Variants in ABCA9 observed in about 807,000 individuals in gnomAD.
ABCA9 encodes the protein ATP-binding cassette sub-family A member 9.
Under a neutral mutation model 205.3 loss-of-function variants are expected in ABCA9, and 183 were observed. That is an observed-to-expected ratio of 0.89 (90% CI 0.79 to 1.01). The LOEUF is 1.01. Among genes scored for constraint, ABCA9 ranks in the 50% least tolerant of loss-of-function variants. The probability of loss-of-function intolerance (pLI) is 0.00; values close to 1 mark genes in which losing one functional copy is unlikely to be tolerated. For synonymous variants in ABCA9, 651 were observed against 683.3 expected, an observed-to-expected ratio of 0.95 and a Z score of 0.74; for missense variants, 1,805 against 1,912.4, an observed-to-expected ratio of 0.94 and a Z score of 1.05.
chr17:69,022,650 G>A (rs2070857398), intron 17 of ABCA9, among the ~76,000 whole-genome samples: 1 of 152,040 alleles, frequency 6.6e-6, no homozygotes, highest in African/African-American at 2.4e-5. Context: ...TTACAGGCAT[G>A]GGCCACCGCG....
At chr17:69,050,896 T>G in intron 2 of ABCA9, 135 bp downstream of exon 2, 1 of 683,128 alleles carries the variant, frequency 1.5e-6, no homozygotes, top group South Asian at 5.3e-5. Context: ...AGCCCAGAAT[T>G]TGAAAAAAAA....
chr17:69,044,919 G>A (rs10512523), intron 4 of ABCA9, among the ~76,000 whole-genome samples: 43,161 of 143,336 alleles, frequency 0.3, 6,614 homozygotes, highest in East Asian at 0.65. Flanking sequence ...GGGAATCAAT[G>A]AGCAAGATCA....
intron 2 of ABCA9, among the ~76,000 whole-genome samples, 188 bp from the exon 3 acceptor site, chr17:69,049,678 C>T (rs1323447082): frequency 6.6e-6 from 1 of 152,110 alleles, no homozygotes; most frequent in Admixed American, 6.6e-5. Context: ...TGCACATTGT[C>T]TACCAAGACA....
intron 14 of ABCA9, 25 bp downstream of exon 14, chr17:69,027,305 C>G: frequency 6.2e-7 from 1 of 1,609,096 alleles, no homozygotes; most frequent in Non-Finnish European, 8.5e-7. Flanking sequence ...AATCTGATTT[C>G]ACCAGTAATT....
chr17:69,053,519 A>T (rs889551981), intron 1 of ABCA9, among the ~76,000 whole-genome samples: 1 of 152,210 alleles, frequency 6.6e-6, no homozygotes, highest in African/African-American at 2.4e-5. Flanking sequence ...CTAAGAGAGA[A>T]CCAAAAATAA....
chr17:69,025,086 C>CAAAT (rs1377589331), intron 16 of ABCA9, among the ~76,000 whole-genome samples: 2 of 151,928 alleles, frequency 1.3e-5, no homozygotes, highest in Admixed American at 1.3e-4. Flanking sequence ...TCAAGAATAC[C>CAAAT]AAATAGGAAG....
chr17:69,015,130 A>G (rs1419022668), intron 22 of ABCA9, among the ~76,000 whole-genome samples: 1 of 151,780 alleles, frequency 6.6e-6, no homozygotes, highest in Non-Finnish European at 1.5e-5. Context: ...GGATTGTCTG[A>G]GAGCTAGGAC....
intron 16 of ABCA9, 121 bp from the exon 17 acceptor site, chr17:69,024,474 T>G (rs2144316971): frequency 1.0e-6 from 1 of 954,746 alleles, no homozygotes; most frequent in Middle Eastern, 2.3e-4. Context: ...ATGTGTAGTT[T>G]ACTGGACAAA....
At chr17:69,017,428 T>C (rs966744615) in intron 21 of ABCA9, among the ~76,000 whole-genome samples, 1 of 152,158 alleles carries the variant, frequency 6.6e-6, no homozygotes, top group Non-Finnish European at 1.5e-5. Context: ...AATAAATTAT[T>C]ATAGCAGTGC....
At chr17:69,015,185 G>A (rs1362304328) in intron 22 of ABCA9, among the ~76,000 whole-genome samples, 8 of 152,142 alleles carry the variant, frequency 5.3e-5, no homozygotes, top group Admixed American at 5.2e-4. Context: ...AAGGGAAATG[G>A]AAGAGCAAAT....
intron 23 of ABCA9, among the ~76,000 whole-genome samples, chr17:69,010,976 G>A (rs2070351568): frequency 1.3e-5 from 2 of 152,058 alleles, no homozygotes; most frequent in South Asian, 2.1e-4. Context: ...TATCACATAG[G>A]CCACTGTACA....
chr17:69,000,117 G>A (rs2069794655), intron 25 of ABCA9, among the ~76,000 whole-genome samples: 1 of 151,464 alleles, frequency 6.6e-6, no homozygotes, highest in South Asian at 2.1e-4. Flanking sequence ...CTGTGCAGAA[G>A]CTCTTTAGTT....
intron 1 of ABCA9, among the ~76,000 whole-genome samples, chr17:69,055,456 G>A (rs1399933975): frequency 1.3e-5 from 2 of 151,998 alleles, no homozygotes; most frequent in African/African-American, 4.8e-5. Flanking sequence ...AAGTTAAAGG[G>A]GTCAATTTTC....
intron 37 of ABCA9, among the ~76,000 whole-genome samples, chr17:68,977,508 G>C (rs2068923344): frequency 6.6e-6 from 1 of 152,294 alleles, no homozygotes; most frequent in South Asian, 2.1e-4. Flanking sequence ...AGAAAGAAAA[G>C]ACATAAAATT....
chr17:69,025,986 G>GA (rs958464234), intron 16 of ABCA9, among the ~76,000 whole-genome samples: 2 of 151,416 alleles, frequency 1.3e-5, no homozygotes, highest in Admixed American at 6.6e-5. Flanking sequence ...ATCAGTAAGA[G>GA]AAAAAAACCA....
intron 16 of ABCA9, 152 bp downstream of exon 16, chr17:69,026,225 A>G: frequency 1.6e-6 from 1 of 617,422 alleles, no homozygotes; most frequent in East Asian, 2.6e-5. Context: ...CCTGCATTCT[A>G]GCTAAAAAAG....
At chr17:68,995,655 T>C (rs369430681) in intron 26 of ABCA9, among the ~76,000 whole-genome samples, 38 of 151,462 alleles carry the variant, frequency 2.5e-4, no homozygotes, top group African/African-American at 9.2e-4. Flanking sequence ...GTGAGAGTTA[T>C]CATGAGAACT....
intron 3 of ABCA9, among the ~76,000 whole-genome samples, chr17:69,046,621 T>G (rs1076401): frequency 0.46 from 70,193 of 151,538 alleles, 19,257 homozygotes; most frequent in Middle Eastern, 0.62. Context: ...GGTTGTGCAA[T>G]AGTTCACGTG....
At chr17:69,016,153 A>G in intron 22 of ABCA9, 100 bp downstream of exon 22, 1 of 776,684 alleles carries the variant, frequency 1.3e-6, no homozygotes, top group South Asian at 2.9e-5. Flanking sequence ...CAAGTTTAAG[A>G]ATAGATTCAC....
Sources: gnomAD v4.1 joint callset for allele counts (sites outside exome capture counted in the v4.1 genomes callset) on GRCh38, gnomAD v4.1.1 for gene constraint, MANE v1.5 for transcripts, NCBI Gene and HGNC (gene_info 2026-07-23, HGNC 2026-07-21) for gene names.